Variants in GPR39 observed in about 807,000 individuals in gnomAD.
The protein encoded by GPR39 is zinc sensing receptor.
In GPR39, 23 loss-of-function variants were observed where a neutral mutation model predicts 18.4. The observed-to-expected ratio is 1.25, with a 90% CI of 0.90 to 1.77. The LOEUF (loss-of-function observed/expected upper bound fraction) is 1.77. Among genes scored for constraint, GPR39 ranks in the 40% most tolerant of loss-of-function variants. The probability of loss-of-function intolerance (pLI) is 0.00; values close to 1 mark genes in which losing one functional copy is unlikely to be tolerated. For missense variants in GPR39, 647 were observed against 602.4 expected (o/e 1.07, Z -0.78); for synonymous variants, 280 against 257.9 (o/e 1.09, Z -0.82).
At chr2:132,572,000 G>T (rs748989351) in intron 1 of GPR39, among the ~76,000 whole-genome samples, 4 of 152,166 alleles carry the variant, frequency 2.6e-5, no homozygotes, top group Non-Finnish European at 5.9e-5. Flanking sequence ...CGCGTGAAGT[G>T]TGATGGGCAG....
chr2:132,591,278 CAAAAA>C (rs1325880889), intron 1 of GPR39, among the ~76,000 whole-genome samples: 2 of 41,120 alleles, frequency 4.9e-5, no homozygotes, highest in African/African-American at 1.3e-4. Flanking sequence ...AAAAAAAAAA[CAAAAA>C]AAAACAGAGG....
intron 1 of GPR39, among the ~76,000 whole-genome samples, chr2:132,617,720 C>T (rs1469019222): frequency 6.6e-6 from 1 of 152,070 alleles, no homozygotes; most frequent in African/African-American, 2.4e-5. Flanking sequence ...TTACAAAAGC[C>T]TTCCTATATT....
At chr2:132,444,461 A>C (rs1184644773) in intron 1 of GPR39, among the ~76,000 whole-genome samples, 1 of 151,968 alleles carries the variant, frequency 6.6e-6, no homozygotes, top group Non-Finnish European at 1.5e-5. Context: ...GTTGACTTTT[A>C]TTTTTTGTAG....
At chr2:132,601,108 T>C (rs1681035553) in intron 1 of GPR39, among the ~76,000 whole-genome samples, 1 of 152,048 alleles carries the variant, frequency 6.6e-6, no homozygotes, top group South Asian at 2.1e-4. Flanking sequence ...CAGGAATTCT[T>C]CCTAATTGAT....
In GPR39 at chr2:132,645,091, G is replaced by A. The variant is rs771562914; in HGVS notation, c.857-10G>A. The A allele has an allele frequency of 1.2e-6, 2 of 1,603,288 alleles. No individual in the cohort carries two copies. Among genetic ancestry groups the A allele is most frequent in the Admixed American group, 1.7e-5 (1 of 59,336 alleles). On this transcript the variant is annotated splice_polypyrimidine_tract_variant and intron_variant, in intron 1 of 1. Coordinates refer to ENST00000329321, the MANE Select transcript of GPR39 (RefSeq NM_001508.3). ...TTCTCTGTCTCTCCCTCCTGCTCGT[G>A]TCTGCCCAGGGCTGATTGTTGTGAC...
chr2:132,470,959 CT>C (rs1425072001), intron 1 of GPR39, among the ~76,000 whole-genome samples: 1 of 152,170 alleles, frequency 6.6e-6, no homozygotes, highest in African/African-American at 2.4e-5. Context: ...CAATCTATGC[CT>C]CATCCTTTGG....
intron 1 of GPR39, among the ~76,000 whole-genome samples, chr2:132,555,102 C>T (rs987481480): frequency 2.0e-5 from 3 of 152,086 alleles, no homozygotes; most frequent in African/African-American, 7.2e-5. Context: ...CAGGTGCGTG[C>T]CACCATGCCC....
At chr2:132,598,990 A>C (rs1400065336) in intron 1 of GPR39, among the ~76,000 whole-genome samples, 2 of 152,082 alleles carry the variant, frequency 1.3e-5, no homozygotes, top group Non-Finnish European at 2.9e-5. Context: ...AACAACAAAA[A>C]CCATCAAGGT....
chr2:132,608,608 C>T (rs1218738918), intron 1 of GPR39, among the ~76,000 whole-genome samples: 9 of 152,320 alleles, frequency 5.9e-5, no homozygotes, highest in South Asian at 2.1e-4. Context: ...GTACAGATGC[C>T]GCTGCTTCTT....
chr2:132,494,169 G>A (rs1034110753), intron 1 of GPR39, among the ~76,000 whole-genome samples: 1 of 152,124 alleles, frequency 6.6e-6, no homozygotes, highest in African/African-American at 2.4e-5. Context: ...TTCTCATTGA[G>A]TTGCCTTCCC....
At chr2:132,610,515 A>G (rs1237728624) in intron 1 of GPR39, among the ~76,000 whole-genome samples, 3 of 152,120 alleles carry the variant, frequency 2.0e-5, no homozygotes, top group Non-Finnish European at 2.9e-5. Flanking sequence ...AGTGGCTCAC[A>G]TCTGTAATCT....
chr2:132,422,991 G>T (rs1240101370), intron 1 of GPR39, among the ~76,000 whole-genome samples: 1 of 151,944 alleles, frequency 6.6e-6, no homozygotes, highest in East Asian at 1.9e-4. Flanking sequence ...CAGAATAAAA[G>T]CCATTTACGA....
At chr2:132,480,801 A>G (rs927484557) in intron 1 of GPR39, among the ~76,000 whole-genome samples, 5 of 152,212 alleles carry the variant, frequency 3.3e-5, no homozygotes, top group Non-Finnish European at 7.3e-5. Context: ...ACTGTGTGCT[A>G]AGAGCTGTTG....
At chr2:132,593,068 G>A (rs1680874559) in intron 1 of GPR39, among the ~76,000 whole-genome samples, 1 of 152,184 alleles carries the variant, frequency 6.6e-6, no homozygotes, top group Non-Finnish European at 1.5e-5. Flanking sequence ...ACAGCAAAAG[G>A]ATACAAATTA....
intron 1 of GPR39, among the ~76,000 whole-genome samples, chr2:132,608,973 TAAAG>T (rs1301933796): frequency 6.6e-6 from 1 of 151,918 alleles, no homozygotes; most frequent in African/African-American, 2.4e-5. Flanking sequence ...GCCTGCAAAA[TAAAG>T]AAATAAATAG....
intron 1 of GPR39, among the ~76,000 whole-genome samples, chr2:132,636,921 C>A (rs1048252374): frequency 6.6e-6 from 1 of 152,218 alleles, no homozygotes; most frequent in Non-Finnish European, 1.5e-5. Context: ...CCACCACCCA[C>A]TCCTGTGCTG....
intron 1 of GPR39, among the ~76,000 whole-genome samples, chr2:132,459,245 A>G (rs1252231089): frequency 6.6e-6 from 1 of 152,202 alleles, no homozygotes; most frequent in African/African-American, 2.4e-5. Context: ...AGTTATTGTT[A>G]AAAAGGGAAG....
intron 1 of GPR39, among the ~76,000 whole-genome samples, chr2:132,639,047 C>T (rs545598963): frequency 6.6e-6 from 1 of 151,588 alleles, no homozygotes; most frequent in South Asian, 2.1e-4. Context: ...TGTGAATGTT[C>T]TTGCCTGTGG....
intron 1 of GPR39, among the ~76,000 whole-genome samples, chr2:132,436,164 G>A (rs1680315740): frequency 6.7e-6 from 1 of 148,350 alleles, no homozygotes; most frequent in Non-Finnish European, 1.5e-5. Context: ...AAGAGCAGCA[G>A]CTCCAGGCCC....
Sources: gnomAD v4.1 joint callset for allele counts (sites outside exome capture counted in the v4.1 genomes callset) on GRCh38, gnomAD v4.1.1 for gene constraint, MANE v1.5 for transcripts, NCBI Gene and HGNC (gene_info 2026-07-23, HGNC 2026-07-21) for gene names.